Variants in EPC1 observed in about 807,000 individuals in gnomAD.
The protein encoded by EPC1 is enhancer of polycomb homolog 1.
A neutral mutation model predicts 98.4 loss-of-function variants in EPC1; 12 were observed. The observed-to-expected ratio is 0.12, with a 90% confidence interval of 0.08 to 0.20. The LOEUF (loss-of-function observed/expected upper bound fraction) is 0.20. Among genes scored for constraint, EPC1 ranks in the 10% least tolerant of loss-of-function variants. EPC1 has a pLI of 1.00. For missense variants in EPC1, 729 were observed against 990.5 expected (o/e 0.74, Z 3.54); for synonymous variants, 357 against 363.9 (o/e 0.98, Z 0.21).
chr10:32,315,234 T>C (rs1836485483), intron 1 of EPC1, among the ~76,000 whole-genome samples: 1 of 152,166 alleles, frequency 6.6e-6, no homozygotes, highest in Non-Finnish European at 1.5e-5. Context: ...CAGTATTTTA[T>C]AAAATACCAT....
intron 1 of EPC1, among the ~76,000 whole-genome samples, chr10:32,306,597 A>G (rs2132823689): frequency 6.6e-6 from 1 of 152,334 alleles, no homozygotes; most frequent in East Asian, 1.9e-4. Context: ...TCCCGGCAAG[A>G]AACCAGTCTT....
chr10:32,302,485 T>C (rs1324276096), intron 2 of EPC1, among the ~76,000 whole-genome samples: 1 of 149,334 alleles, frequency 6.7e-6, no homozygotes, highest in Admixed American at 6.7e-5. Context: ...CCATCTCTAC[T>C]AAAACAAAAC....
At chr10:32,359,640 A>T (rs1414844873) in intron 1 of EPC1, among the ~76,000 whole-genome samples, 2 of 152,056 alleles carry the variant, frequency 1.3e-5, no homozygotes, top group Non-Finnish European at 2.9e-5. Flanking sequence ...GTTTTACCCT[A>T]TTTTTTTGAA....
chr10:32,273,501 C>T (rs1279904664), intron 10 of EPC1, among the ~76,000 whole-genome samples: 1 of 152,014 alleles, frequency 6.6e-6, no homozygotes, highest in Non-Finnish European at 1.5e-5. Flanking sequence ...AATTAAACTT[C>T]CTGAATTAAA....
chr10:32,305,879 C>T lies in EPC1; in HGVS notation c.206G>A (p.Arg69Lys), dbSNP rs774719493. ...ISAQQVYGEK[R>K]DNMVIPVPEA... is the part of the protein sequence containing the mutation. ...TGGGACCGGTATAACCATATTATCC[C>T]TCTTCTCGCCATACACCTGCTGTGC... The change falls in exon 2 of 14, where the codon AGG becomes AAG. Residue 69 changes from arginine to lysine, a missense_variant. Physicochemically the swap from Arg to Lys is conservative, Grantham distance 26. Transcript: ENST00000319778. 6.2e-7 allele frequency: 1 copy of T among 1,612,458 alleles called. No homozygotes were observed. The highest frequency in any genetic ancestry group is 1.1e-5 in the South Asian group (1 of 90,776).
intron 1 of EPC1, among the ~76,000 whole-genome samples, chr10:32,361,510 G>A (rs1034341713): frequency 2.0e-5 from 3 of 152,122 alleles, no homozygotes; most frequent in Non-Finnish European, 2.9e-5. Flanking sequence ...AATAAGTTAC[G>A]ATTATAGTTT....
intron 9 of EPC1, chr10:32,286,005 TG>T (rs1320044211): frequency 2.6e-5 from 4 of 152,170 alleles, no homozygotes; most frequent in Non-Finnish European, 4.4e-5. Flanking sequence ...GAGTTGAAGA[TG>T]AAAAAAATAT....
At chr10:32,374,076 G>A (rs536299286) in intron 1 of EPC1, among the ~76,000 whole-genome samples, 8 of 152,010 alleles carry the variant, frequency 5.3e-5, no homozygotes, top group Non-Finnish European at 1.2e-4. Context: ...CATCTGTATA[G>A]AAATAACATC....
chr10:32,313,780 G>A (rs1348030831), intron 1 of EPC1, among the ~76,000 whole-genome samples: 1 of 152,108 alleles, frequency 6.6e-6, no homozygotes, highest in Non-Finnish European at 1.5e-5. Context: ...CAGCTACTCT[G>A]AAGGCTAAGG....
chr10:32,305,731 G>C, intron 2 of EPC1, 41 bp downstream of exon 2: 1 of 1,497,300 alleles, frequency 6.7e-7, no homozygotes, highest in Non-Finnish European at 8.9e-7. Flanking sequence ...CATAATAAGA[G>C]AAATATAGAA....
chr10:32,332,939 AAGG>A (rs1837727364), intron 1 of EPC1, among the ~76,000 whole-genome samples: 1 of 152,204 alleles, frequency 6.6e-6, no homozygotes, highest in Non-Finnish European at 1.5e-5. Context: ...ATAAGGCTAC[AAGG>A]AGAATAGAAA....
At chr10:32,357,435 T>C (rs1839311054) in intron 1 of EPC1, among the ~76,000 whole-genome samples, 1 of 152,230 alleles carries the variant, frequency 6.6e-6, no homozygotes, top group Non-Finnish European at 1.5e-5. Context: ...TTTCTGTTTC[T>C]TCTGGTCTTT....
intron 1 of EPC1, among the ~76,000 whole-genome samples, chr10:32,341,169 T>G (rs2133032750): frequency 6.6e-6 from 1 of 152,352 alleles, no homozygotes; most frequent in Admixed American, 6.5e-5. Context: ...TAAAATGCTA[T>G]CTTCTGCTTT....
chr10:32,326,575 T>G (rs767800092), intron 1 of EPC1, among the ~76,000 whole-genome samples: 22 of 152,098 alleles, frequency 1.4e-4, no homozygotes, highest in Non-Finnish European at 2.1e-4. Context: ...TAGGGTACTA[T>G]TATAACAAAA....
Position 32,364,001 on chromosome 10 carries a change from C to CCTTTTTTTTT in EPC1, c.3+14489_3+14490insAAAAAAAAAG, listed in dbSNP as rs770520611. ...AATAGTATCGTGTCCATCATGTTGG[C>CCTTTTTTTTT]ATTTTTTTTTTTTTTTTTTTTTTTT... On this transcript the variant is annotated intron_variant, in intron 1 of 13. Transcript: ENST00000375110. 4.8e-4 allele frequency among the ~76,000 whole-genome samples: 30 copies of CCTTTTTTTTT among 61,858 alleles called. 14 individuals carry two copies. The highest frequency in any genetic ancestry group is 1.1e-3 in the East Asian group (2 of 1,810). The allele number at this position is 61,858 out of a possible 152,430, so 40.6% of individuals were successfully genotyped here. A position where few individuals can be genotyped will look rare whatever the true frequency, so the allele number is the denominator to read the frequency against.
chr10:32,378,686 T>C (rs1839919879), exon 1 of EPC1: 1 of 491,788 alleles, frequency 2.0e-6, no homozygotes, highest in Non-Finnish European at 3.7e-6. Context: ...CCAGGATCTG[T>C]GGGCTTTTGG....
At chr10:32,279,034 T>C (rs1017572307) in intron 10 of EPC1, among the ~76,000 whole-genome samples, 2 of 152,174 alleles carry the variant, frequency 1.3e-5, no homozygotes, top group Non-Finnish European at 2.9e-5. Context: ...AGATGTTATA[T>C]AATAATCCAC....
At chr10:32,356,711 G>A (rs182965225) in intron 1 of EPC1, among the ~76,000 whole-genome samples, 10 of 152,294 alleles carry the variant, frequency 6.6e-5, no homozygotes, top group South Asian at 4.2e-4. Flanking sequence ...ACCGCCAGGC[G>A]CGGTGGCTCA....
chr10:32,304,254 A>C (rs1452307008), intron 2 of EPC1, among the ~76,000 whole-genome samples: 2 of 152,168 alleles, frequency 1.3e-5, no homozygotes, highest in African/African-American at 2.4e-5. Context: ...TTTTTCTCAT[A>C]ATGATAATGT....
Sources: allele counts gnomAD v4.1 joint callset (sites outside exome capture counted in the v4.1 genomes callset), GRCh38; gene constraint gnomAD v4.1.1; transcripts MANE v1.5; gene names NCBI Gene and HGNC (gene_info 2026-07-23, HGNC 2026-07-21).